The following NETO1 variants were observed in gnomAD, a reference collection of about 807,000 sequenced individuals.
NETO1 encodes neuropilin and tolloid like 1.
A neutral mutation model predicts 61.3 loss-of-function variants in NETO1; 26 were observed. The ratio of observed to expected loss-of-function variants is 0.42; its 90% CI spans 0.31 to 0.59. The LOEUF (loss-of-function observed/expected upper bound fraction) is 0.59, where lower values mean the gene tolerates loss of function less well. Ranked by LOEUF, NETO1 falls within the 20% of genes least tolerant of loss-of-function variation. The pLI is 0.12. For synonymous variants in NETO1, 225 were observed against 225.8 expected, an observed-to-expected ratio of 1.00 and a Z score of 0.03; for missense variants, 531 against 662.8, an observed-to-expected ratio of 0.80 and a Z score of 2.18.
At chr18:72,792,010 A>G (rs1568203559) in intron 6 of NETO1, among the ~76,000 whole-genome samples, 1 of 152,226 alleles carries the variant, frequency 6.6e-6, no homozygotes, top group African/African-American at 2.4e-5. Context: ...CAAAGCTGGA[A>G]GCTGGAGAAT....
chr18:72,763,775 G>A (rs1259842323), intron 7 of NETO1, among the ~76,000 whole-genome samples: 1 of 152,146 alleles, frequency 6.6e-6, no homozygotes, highest in African/African-American at 2.4e-5. Context: ...AGCAGCTGGG[G>A]GAGGAAACAG....
chr18:72,802,396 T>C (rs2072537027), intron 4 of NETO1, among the ~76,000 whole-genome samples: 1 of 152,206 alleles, frequency 6.6e-6, no homozygotes, highest in Non-Finnish European at 1.5e-5. Flanking sequence ...CATCACACAG[T>C]AACTTGCTGA....
chr18:72,820,223 T>C (rs1025075680), intron 4 of NETO1, among the ~76,000 whole-genome samples: 1 of 152,224 alleles, frequency 6.6e-6, no homozygotes, highest in African/African-American at 2.4e-5. Flanking sequence ...GAATAATTTT[T>C]ACTTTGCTTG....
chr18:72,798,159 G>C (rs962956562), intron 4 of NETO1, among the ~76,000 whole-genome samples: 2 of 152,196 alleles, frequency 1.3e-5, no homozygotes, highest in African/African-American at 4.8e-5. Flanking sequence ...GGACAGCAAA[G>C]GAAGCATCAA....
chr18:72,846,504 CAAAAAAAA>C (rs35252443), intron 4 of NETO1, among the ~76,000 whole-genome samples: 9 of 13,000 alleles, frequency 6.9e-4, no homozygotes, highest in South Asian at 5.4e-3. Context: ...GACTTCATCT[CAAAAAAAA>C]AAAAAAAAAA....
chr18:72,745,008 T>C lies in NETO1; in HGVS notation c.*3171A>G, dbSNP rs1214362503. The C allele has an allele frequency of 6.6e-6, 1 of 152,172 alleles. No individual in the cohort carries two copies. The highest frequency in any genetic ancestry group is 1.5e-5 in the Non-Finnish European group (1 of 68,026). 9.4% of individuals were successfully genotyped at this position (152,172 alleles called of 1,614,324 possible). A position where few individuals can be genotyped will look rare whatever the true frequency, so the allele number is the denominator to read the frequency against. ...GCCAACCGTCTAAGTTACTTAACAC[T>C]GAGGATCATAACTTATGGAGTCATC... On this transcript the variant is annotated 3_prime_UTR_variant, in exon 11 of 11. Coordinates refer to ENST00000327305, the MANE Select transcript of NETO1 (RefSeq NM_138966.5).
At chr18:72,774,531 A>C (rs1050327513) in intron 7 of NETO1, among the ~76,000 whole-genome samples, 1 of 152,202 alleles carries the variant, frequency 6.6e-6, no homozygotes, top group Non-Finnish European at 1.5e-5. Flanking sequence ...AATATAAGAA[A>C]TCTTAAATTG....
At chr18:72,768,975 G>GGGAAACTAAATGC (rs1568183844) in intron 7 of NETO1, among the ~76,000 whole-genome samples, 1 of 152,142 alleles carries the variant, frequency 6.6e-6, no homozygotes. Context: ...GATTTCTCAG[G>GGGAAACTAAATGC]CAATCTGACT....
rs1334857381 is a variant in NETO1, at chr18:72,746,152, T to C, written c.*2027A>G. On this transcript the variant is annotated 3_prime_UTR_variant, in exon 11 of 11. Transcript: ENST00000327305. ...AATAGTAAAATGTTCACCTAACTTA[T>C]TTCACTATTTTTATTGCTGTTACAA... 6.6e-6 allele frequency among the ~76,000 whole-genome samples: 1 copy of C among 152,170 alleles called. No individual in the cohort carries two copies.
intron 7 of NETO1, among the ~76,000 whole-genome samples, chr18:72,782,530 C>T (rs908026826): frequency 6.6e-6 from 1 of 152,178 alleles, no homozygotes; most frequent in African/African-American, 2.4e-5. Flanking sequence ...TGAGGCCAGG[C>T]ACAGTGGCTC....
At chr18:72,748,219 A>T (rs2070475480) in intron 10 of NETO1, 55 bp from the exon 11 acceptor site, 3 of 981,264 alleles carry the variant, frequency 3.1e-6, no homozygotes, top group Non-Finnish European at 3.6e-6. Flanking sequence ...GCATACAAAT[A>T]CACCAATTTA....
chr18:72,808,359 A>C (rs909386144), intron 4 of NETO1, among the ~76,000 whole-genome samples: 2 of 151,914 alleles, frequency 1.3e-5, no homozygotes, highest in African/African-American at 4.8e-5. Flanking sequence ...CATAGGTTGC[A>C]GAGGAGGAAA....
chr18:72,823,898 C>G (rs1380989622), intron 4 of NETO1, among the ~76,000 whole-genome samples: 1 of 152,052 alleles, frequency 6.6e-6, no homozygotes, highest in Non-Finnish European at 1.5e-5. Flanking sequence ...TGCCCCTAAA[C>G]AGAGGAGAAG....
intron 4 of NETO1, among the ~76,000 whole-genome samples, chr18:72,804,096 T>C (rs2072596981): frequency 6.6e-6 from 1 of 152,122 alleles, no homozygotes; most frequent in African/African-American, 2.4e-5. Flanking sequence ...ATTATTGGTT[T>C]ATTGGTATAA....
At chr18:72,835,792 T>C (rs958579013) in intron 4 of NETO1, among the ~76,000 whole-genome samples, 1 of 152,212 alleles carries the variant, frequency 6.6e-6, no homozygotes, top group Non-Finnish European at 1.5e-5. Context: ...TTATATTTCA[T>C]GTATATTCTT....
At chr18:72,772,840 T>TATC (rs1231749356) in intron 7 of NETO1, among the ~76,000 whole-genome samples, 1 of 24,254 alleles carries the variant, frequency 4.1e-5, no homozygotes, top group Non-Finnish European at 6.9e-5. Flanking sequence ...TATATATATA[T>TATC]ATATATATAT....
At chr18:72,849,171 T>G (rs1398964041) in intron 4 of NETO1, among the ~76,000 whole-genome samples, 1 of 152,246 alleles carries the variant, frequency 6.6e-6, no homozygotes, top group South Asian at 2.1e-4. Flanking sequence ...CCAAGGGGCT[T>G]ACATTTTAAT....
chr18:72,816,921 C>G (rs1219482272), intron 4 of NETO1, among the ~76,000 whole-genome samples: 2 of 152,122 alleles, frequency 1.3e-5, no homozygotes, highest in African/African-American at 4.8e-5. Flanking sequence ...AAGATGATGT[C>G]GTGATGAGAA....
Position 72,859,158 on chromosome 18 carries a change from T to G in NETO1, c.221-84A>C, listed in dbSNP as rs1228956879. 6 of 1,324,640 alleles carry G rather than the reference T, an allele frequency of 4.5e-6. No homozygotes were observed. The East Asian group carries it at 1.4e-4, about 32-fold the overall frequency. The allele number at this position is 1,324,640 out of a possible 1,614,324, so 82.1% of individuals were successfully genotyped here. ...TTCTGATTCTATTTCAGATGTTATT[T>G]GTACATCTTCTCTCAAACTTTATGG... On this transcript the variant is annotated intron_variant, in intron 3 of 10. Transcript: ENST00000327305.
Sources: allele counts gnomAD v4.1 joint callset (sites outside exome capture counted in the v4.1 genomes callset), GRCh38; gene constraint gnomAD v4.1.1; transcripts MANE v1.5; gene names NCBI Gene and HGNC (gene_info 2026-07-23, HGNC 2026-07-21).